The following RUBCN variants were observed in gnomAD, a reference collection of about 807,000 sequenced individuals.
RUBCN encodes rubicon autophagy regulator.
RUBCN carries 74 observed loss-of-function variants against 113.2 expected under a neutral mutation model. The observed-to-expected ratio is 0.65, with a 90% CI of 0.54 to 0.79. RUBCN has a LOEUF of 0.79. RUBCN is among the 30% of genes least tolerant of loss of function. The pLI is 0.00. For missense variants in RUBCN, 1,109 were observed against 1,251.7 expected (o/e 0.89, Z 1.72); for synonymous variants, 480 against 490.0 (o/e 0.98, Z 0.27).
chr3:197,748,425 C>T lies in RUBCN; in HGVS notation c.-116+844G>A, dbSNP rs1035606128. The stretch of plus-strand genomic sequence containing the variant: ...TGCCCCTTGATAGGTGTGTGGTTCA[C>T]TCTTCCTATATTGTTATGTCCTTGT... On this transcript the variant is annotated intron_variant, in intron 1 of 20. Transcript: ENST00000273582. The T allele has an allele frequency of 2.0e-5, 3 of 151,266 alleles. 1 individual carries two copies. The highest frequency in any genetic ancestry group is 4.2e-4 in the South Asian group (2 of 4,758). The allele number at this position is 151,266 out of a possible 1,614,324, so 9.4% of individuals were successfully genotyped here. A position where few individuals can be genotyped will look rare whatever the true frequency, so the allele number is the denominator to read the frequency against.
intron 1 of RUBCN, among the ~76,000 whole-genome samples, chr3:197,733,750 G>A (rs575132984): frequency 1.6e-4 from 25 of 152,166 alleles, no homozygotes; most frequent in Non-Finnish European, 2.6e-4. Context: ...GTGACTTTGT[G>A]AGGATAACCC....
chr3:197,731,780 C>T (rs9838480), intron 1 of RUBCN, among the ~76,000 whole-genome samples: 1,562 of 150,504 alleles, frequency 0.01, 17 homozygotes, highest in African/African-American at 0.036. Flanking sequence ...CCGGATGGGG[C>T]GGCTGGCCGG....
At chr3:197,731,971 T>G (rs1727556495) in intron 1 of RUBCN, among the ~76,000 whole-genome samples, 1 of 152,242 alleles carries the variant, frequency 6.6e-6, no homozygotes, top group Admixed American at 6.5e-5. Context: ...GGTGACTGCT[T>G]ACATATGGGA....
At chr3:197,736,441 C>T (rs1728129839) in intron 1 of RUBCN, among the ~76,000 whole-genome samples, 1 of 151,070 alleles carries the variant, frequency 6.6e-6, no homozygotes, top group Admixed American at 6.6e-5. Context: ...TCCGCAAATC[C>T]CACCCACCCT....
intron 11 of RUBCN, among the ~76,000 whole-genome samples, chr3:197,690,404 C>T (rs1580205799): frequency 6.6e-6 from 1 of 152,210 alleles, no homozygotes; most frequent in Non-Finnish European, 1.5e-5. Flanking sequence ...CGCCATTGCA[C>T]TCCAGCATGG....
At chr3:197,701,216 G>A in intron 6 of RUBCN, 70 bp from the exon 7 acceptor site, 1 of 1,325,596 alleles carries the variant, frequency 7.5e-7, no homozygotes, top group Non-Finnish European at 1.0e-6. Flanking sequence ...ATGAAGGACT[G>A]GGTGACCAGG....
intron 18 of RUBCN, chr3:197,676,477 C>A: frequency 1.6e-6 from 1 of 630,122 alleles, no homozygotes; most frequent in Non-Finnish European, 2.1e-6. Context: ...TCATGCCCGG[C>A]TAATTTCTGT....
intron 14 of RUBCN, 49 bp downstream of exon 14, chr3:197,682,421 C>T (rs1319458102): frequency 6.2e-7 from 1 of 1,611,184 alleles, no homozygotes; most frequent in East Asian, 2.2e-5. Flanking sequence ...CCTGACAATC[C>T]AAAGAGGACG....
chr3:197,703,432 A>AAAT lies in RUBCN; in HGVS notation c.570+115_570+116insATT, dbSNP rs1553896558. 1.4e-3 allele frequency: 594 copies of AAAT among 439,180 alleles called. 9 individuals carry two copies. Among genetic ancestry groups the AAAT allele is most frequent in the African/African-American group, 8.2e-3 (332 of 40,402 alleles). The allele number at this position is 439,180 out of a possible 1,614,324, so 27.2% of individuals were successfully genotyped here. A position where few individuals can be genotyped will look rare whatever the true frequency, so the allele number is the denominator to read the frequency against. On this transcript the variant is annotated intron_variant, in intron 5 of 19. Transcript: ENST00000296343. ...AAAAAAAAAAAAAAAAAAAAAAAAA[A>AAAT]TGCAAGCCTTTCAGCTCACAAAAAT...
At chr3:197,685,870 CTGTT>C (rs1212326354) in intron 11 of RUBCN, among the ~76,000 whole-genome samples, 3 of 152,250 alleles carry the variant, frequency 2.0e-5, no homozygotes, top group African/African-American at 2.4e-5. Flanking sequence ...CTTTCACAGA[CTGTT>C]TGGTTTGCAA....
rs1447766014 is a variant in RUBCN at position 197,670,140 on chromosome 3, G to A, written c.*4878C>T. Among the ~76,000 whole-genome samples the A allele has an allele frequency of 2.6e-5, 4 of 152,158 alleles. No individual in the cohort carries two copies. The highest frequency in any genetic ancestry group is 2.0e-4 in the Admixed American group (3 of 15,278). ...TTGACCTCGTGATCCGCCCGCCTCG[G>A]CCTCCCAAAGTGCTGGGATTACAGG... On this transcript the variant is annotated 3_prime_UTR_variant, in exon 20 of 20. Transcript: ENST00000296343.
intron 2 of RUBCN, among the ~76,000 whole-genome samples, chr3:197,709,239 G>A (rs985441305): frequency 2.0e-5 from 3 of 152,012 alleles, no homozygotes; most frequent in Non-Finnish European, 2.9e-5. Context: ...TGTTCTTATC[G>A]AAAAATGGTG....
At chr3:197,718,340 C>T (rs3749249) in intron 1 of RUBCN, among the ~76,000 whole-genome samples, 26,751 of 152,148 alleles carry the variant, frequency 0.18, 2,953 homozygotes, top group South Asian at 0.24. Flanking sequence ...CAGCAAAAAC[C>T]CTCACATTCA....
At position 197,681,908 on chromosome 3, in the gene RUBCN, G is replaced by A. The variant is rs756046993; in HGVS notation, c.2127-9C>T. 1.2e-6 allele frequency: 2 copies of A among 1,612,938 alleles called. No individual in the cohort carries two copies. The highest frequency in any genetic ancestry group is 1.7e-6 in the Non-Finnish European group (2 of 1,179,104). Reference sequence around the variant, plus strand: ...CCACGGCAATTTTCCTCCTGAGGAAGGGTAAGGACAGGGCATTGGCACAGA... The same window carrying A: ...CCACGGCAATTTTCCTCCTGAGGAAAGGTAAGGACAGGGCATTGGCACAGA... On this transcript the variant is annotated splice_polypyrimidine_tract_variant and intron_variant, in intron 14 of 19. Coordinates refer to ENST00000296343, the MANE Select transcript of RUBCN (RefSeq NM_014687.4). The surrounding 1 kb of genome is among the most constrained non-coding windows in gnomAD (Gnocchi z 5.5).
chr3:197,735,804 C>A (rs1348156012), intron 1 of RUBCN, among the ~76,000 whole-genome samples: 2 of 152,098 alleles, frequency 1.3e-5, no homozygotes, highest in Non-Finnish European at 2.9e-5. Flanking sequence ...GTTACCCAGG[C>A]TGGTCTCAAA....
chr3:197,693,003 ACT>A (rs1461834782), intron 11 of RUBCN, among the ~76,000 whole-genome samples: 1 of 152,162 alleles, frequency 6.6e-6, no homozygotes, highest in Non-Finnish European at 1.5e-5. Context: ...TAAGGAAACT[ACT>A]CTTAGTTTCA....
intron 1 of RUBCN, among the ~76,000 whole-genome samples, chr3:197,722,957 A>T (rs1726331260): frequency 6.6e-6 from 1 of 152,060 alleles, no homozygotes; most frequent in Non-Finnish European, 1.5e-5. Flanking sequence ...ACCCATTTAC[A>T]TTTAAGGTAA....
intron 12 of RUBCN, 152 bp downstream of exon 12, chr3:197,684,005 G>C: frequency 1.7e-6 from 1 of 601,456 alleles, no homozygotes; most frequent in East Asian, 2.9e-5. Context: ...CTTTCTTCCC[G>C]TGGGCTCGGC....
chr3:197,697,904 T>C (rs538152114), intron 7 of RUBCN, among the ~76,000 whole-genome samples: 1 of 152,326 alleles, frequency 6.6e-6, no homozygotes, highest in Admixed American at 6.5e-5. Context: ...TGCTACTCTG[T>C]GCAAGAGACA....
Sources: allele counts gnomAD v4.1 joint callset (sites outside exome capture counted in the v4.1 genomes callset), GRCh38; gene constraint gnomAD v4.1.1; non-coding constraint Gnocchi (gnomAD v3.1); transcripts MANE v1.5; gene names NCBI Gene and HGNC (gene_info 2026-07-23, HGNC 2026-07-21).